Variants in YIPF6 observed in about 807,000 individuals in gnomAD.
YIPF6 encodes Yip1 domain family member 6, also known as protein YIPF6.
A neutral mutation model predicts 16.8 loss-of-function variants in YIPF6; 3 were observed. That is an observed-to-expected ratio of 0.18 (90% CI 0.08 to 0.46). YIPF6 has a LOEUF of 0.46. YIPF6 is among the 20% of genes least tolerant of loss of function. The pLI is 0.98. For synonymous variants in YIPF6, 67 were observed against 61.9 expected (o/e 1.08, Z -0.38); for missense variants, 145 against 184.9 (o/e 0.78, Z 1.25).
intron 1 of YIPF6, among the ~76,000 whole-genome samples, chrX:68,504,834 A>C (rs1340251858): frequency 8.9e-6 from 1 of 112,316 alleles, no homozygotes; most frequent in East Asian, 2.8e-4. Flanking sequence ...ACAAGATGGA[A>C]CTGGGATTTG....
At chrX:68,501,206 G>A (rs753244510) in intron 1 of YIPF6, among the ~76,000 whole-genome samples, 5 of 112,199 alleles carry the variant, frequency 4.5e-5, no homozygotes, top group African/African-American at 1.3e-4. Flanking sequence ...AGTATACAAT[G>A]CTAAAATAAG....
chrX:68,499,110 C>T lies in YIPF6; in HGVS notation c.44C>T (p.Ser15Leu), dbSNP rs372703496. 1.7e-6 allele frequency: 2 copies of T among 1,182,685 alleles called. No individual in the cohort carries two copies. The highest frequency in any genetic ancestry group is 1.8e-5 in the African/African-American group (1 of 56,586). Residue 15 changes from serine (S) to leucine (L), a missense_variant, in exon 1 of 7, where the codon TCG (serine) becomes TTG (leucine). Physicochemically the swap from Ser to Leu is moderately radical, Grantham distance 145. Transcript: ENST00000462683. The stretch of plus-strand genomic sequence containing the variant: ...TCTCCAGGAGACCCGGGGACAGCAT[C>T]GCCCAGGCCCCTGGTGAGCTTGGGA... ...EESPGDPGTA[S>L]PRPLFAGLSD...
intron 3 of YIPF6, among the ~76,000 whole-genome samples, chrX:68,517,101 C>T (rs772718280): frequency 1.8e-5 from 2 of 110,665 alleles, no homozygotes; most frequent in East Asian, 5.7e-4. Flanking sequence ...GGATTACAGG[C>T]ATGAGCTACC....
At chrX:68,520,318 A>T (rs1272703643) in intron 4 of YIPF6, among the ~76,000 whole-genome samples, 2 of 112,527 alleles carry the variant, frequency 1.8e-5, no homozygotes, top group African/African-American at 6.4e-5. Flanking sequence ...TATTCAAAAC[A>T]GTTTATATCT....
chrX:68,502,600 T>C (rs2079044744), intron 1 of YIPF6, among the ~76,000 whole-genome samples: 1 of 111,161 alleles, frequency 9.0e-6, no homozygotes, highest in Non-Finnish European at 1.9e-5. Context: ...AAAAGTTGAC[T>C]AATTCAGTTT....
chrX:68,517,835 G>T (rs1380168731), intron 3 of YIPF6, among the ~76,000 whole-genome samples: 1 of 109,245 alleles, frequency 9.2e-6, no homozygotes, highest in African/African-American at 3.3e-5. Context: ...GTGTGGTGGC[G>T]TGTGCCTGTA....
rs753965552 is a variant in YIPF6 at position 68,503,740 on chromosome X, C to T, written c.57+4617C>T. On this transcript the variant is annotated intron_variant, in intron 1 of 6. Transcript: ENST00000462683. ...TTGGGGGTTCCCAGGACCATCCTCA[C>T]TTCAGAGCAAGTAGCAACAAATTCA... 1.1e-4 allele frequency among the ~76,000 whole-genome samples: 12 copies of T among 112,440 alleles called. No homozygotes were observed. In the South Asian group the frequency reaches 3.0e-3, roughly 28 times the overall value.
chrX:68,527,667 TC>T (rs1338623882), intron 6 of YIPF6, among the ~76,000 whole-genome samples: 1 of 111,965 alleles, frequency 8.9e-6, no homozygotes, highest in Non-Finnish European at 1.9e-5. Flanking sequence ...TCTGGTATGT[TC>T]CGTCTTTGTT....
Position 68,536,198 on chromosome X carries a change from A to G in YIPF6, c.*4199A>G, listed in dbSNP as rs2079190984. On this transcript the variant is annotated 3_prime_UTR_variant, in exon 7 of 7. Transcript: ENST00000462683. ...TTTAGATCATTTTGTAACTTCACCA[A>G]GAAACCCCAGGTCTGTCAGCAGTCA... 1 of 111,613 alleles carries G rather than the reference A, an allele frequency of 9.0e-6. No individual in the cohort carries two copies. The highest frequency in any genetic ancestry group is 1.9e-5 in the Non-Finnish European group (1 of 53,154). 9.2% of individuals were successfully genotyped at this position (111,613 alleles called of 1,213,427 possible). A position where few individuals can be genotyped will look rare whatever the true frequency, so the allele number is the denominator to read the frequency against.
At chrX:68,531,186 G>A (rs759504513) in intron 6 of YIPF6, among the ~76,000 whole-genome samples, 117 of 111,148 alleles carry the variant, frequency 1.1e-3, no homozygotes, top group Non-Finnish European at 1.9e-3. Flanking sequence ...GTGCAGTGGC[G>A]CCATCTTGGC....
chrX:68,499,574 A>G (rs965535244), intron 1 of YIPF6, among the ~76,000 whole-genome samples: 2 of 111,919 alleles, frequency 1.8e-5, no homozygotes, highest in African/African-American at 6.5e-5. Flanking sequence ...CCAGTAGGCC[A>G]GGTTTAACCC....
chrX:68,530,696 A>T (rs1302379381), intron 6 of YIPF6, among the ~76,000 whole-genome samples: 1 of 110,585 alleles, frequency 9.0e-6, no homozygotes, highest in African/African-American at 3.3e-5. Flanking sequence ...ACAGTCCCTC[A>T]TGGCTTCCCT....
At chrX:68,513,921 A>T (rs1466818201) in intron 3 of YIPF6, 2 of 109,399 alleles carry the variant, frequency 1.8e-5, no homozygotes, top group African/African-American at 6.7e-5. Context: ...TTTGCTTATT[A>T]TATTGTCCTC....
intron 5 of YIPF6, 58 bp downstream of exon 5, chrX:68,521,555 T>G: frequency 8.8e-7 from 1 of 1,142,007 alleles, no homozygotes; most frequent in Non-Finnish European, 1.2e-6. Context: ...TATCTTAGAT[T>G]AAGGAATACA....
In YIPF6 at chrX:68,535,746, T is replaced by A. The variant is rs2079188890; in HGVS notation, c.*3747T>A. On this transcript the variant is annotated 3_prime_UTR_variant, in exon 7 of 7. Transcript: ENST00000462683. Reference sequence around the variant, plus strand: ...ACTATTCTATTTTTTTAAGAATTTTTAAAATAACAGCTTTATTGAAATACA... The same window carrying A: ...ACTATTCTATTTTTTTAAGAATTTTAAAAATAACAGCTTTATTGAAATACA... The A allele has an allele frequency of 2.7e-5, 3 of 111,677 alleles. No homozygotes were observed. The highest frequency in any genetic ancestry group is 9.8e-5 in the African/African-American group (3 of 30,732). The allele number at this position is 111,677 out of a possible 1,213,427, so 9.2% of individuals were successfully genotyped here. A position where few individuals can be genotyped will look rare whatever the true frequency, so the allele number is the denominator to read the frequency against.
chrX:68,515,119 G>C (rs746611636), intron 3 of YIPF6: 1 of 109,553 alleles, frequency 9.1e-6, no homozygotes, highest in South Asian at 4.1e-4. Flanking sequence ...GAGGTCAGGA[G>C]ATCGAGACCA....
chrX:68,524,955 C>T (rs2079141696), intron 6 of YIPF6, among the ~76,000 whole-genome samples: 1 of 111,677 alleles, frequency 9.0e-6, no homozygotes, highest in Non-Finnish European at 1.9e-5. Flanking sequence ...CTATTGTGAA[C>T]AGTGCAGCAG....
At chrX:68,505,179 G>T (rs2079055014) in intron 1 of YIPF6, among the ~76,000 whole-genome samples, 1 of 111,757 alleles carries the variant, frequency 8.9e-6, no homozygotes, top group South Asian at 3.7e-4. Context: ...TGAGGCCAAG[G>T]CGGGCGGATC....
chrX:68,502,802 G>C (rs1164758998), intron 1 of YIPF6, among the ~76,000 whole-genome samples: 2 of 109,995 alleles, frequency 1.8e-5, no homozygotes, highest in Non-Finnish European at 3.8e-5. Flanking sequence ...AGAAGAGATA[G>C]GCTGTAATAA....
Sources: gnomAD v4.1 joint callset for allele counts (sites outside exome capture counted in the v4.1 genomes callset) on GRCh38, gnomAD v4.1.1 for gene constraint, MANE v1.5 for transcripts, NCBI Gene and HGNC (gene_info 2026-07-23, HGNC 2026-07-21) for gene names.